Variants in RAB27B observed in about 807,000 individuals in gnomAD.
RAB27B encodes the protein ras-related protein Rab-27B.
Under a neutral mutation model 24.6 loss-of-function variants are expected in RAB27B, and 15 were observed. The ratio of observed to expected loss-of-function variants is 0.61; its 90% CI spans 0.41 to 0.94. The LOEUF (loss-of-function observed/expected upper bound fraction) is 0.94, where lower values mean the gene tolerates loss of function less well. RAB27B is among the 40% of genes least tolerant of loss of function. RAB27B has a pLI of 0.00. For synonymous variants in RAB27B, 105 were observed against 92.5 expected, an observed-to-expected ratio of 1.14 and a Z score of -0.78; for missense variants, 261 against 266.8, an observed-to-expected ratio of 0.98 and a Z score of 0.15.
chr18:54,747,932 AC>A (rs1030105022), intron 2 of RAB27B, among the ~76,000 whole-genome samples: 1 of 151,906 alleles, frequency 6.6e-6, no homozygotes, highest in Non-Finnish European at 1.5e-5. Flanking sequence ...ACATAGTAAA[AC>A]CCCATCTTTG....
At chr18:54,867,306 A>G (rs967462672) in intron 1 of RAB27B, among the ~76,000 whole-genome samples, 2 of 152,150 alleles carry the variant, frequency 1.3e-5, no homozygotes, top group African/African-American at 4.8e-5. Context: ...ACGTGCAGTC[A>G]ACAACTTTGG....
chr18:54,729,003 C>A (rs575130445), intron 2 of RAB27B, among the ~76,000 whole-genome samples: 12 of 125,526 alleles, frequency 9.6e-5, no homozygotes, highest in African/African-American at 3.7e-4. Context: ...TCTGAGTATA[C>A]AACATGGGCT....
rs1913495528 is a variant in RAB27B, at chr18:54,894,564, C to T, written c.*5151C>T. The T allele has an allele frequency of 6.6e-6, 1 of 152,002 alleles. No homozygotes were observed. The highest frequency in any genetic ancestry group is 2.4e-5 in the African/African-American group (1 of 41,406). The allele number at this position is 152,002 out of a possible 1,614,324, so 9.4% of individuals were successfully genotyped here. On this transcript the variant is annotated 3_prime_UTR_variant, in exon 6 of 6. Transcript: ENST00000262094. The stretch of plus-strand genomic sequence containing the variant: ...TTTTCAAATGCTCCTTGTGAAAACA[C>T]CTAGTGTTGTAGAAAGGAAAGTGGC...
intron 2 of RAB27B, among the ~76,000 whole-genome samples, chr18:54,797,822 T>C (rs1452403525): frequency 6.6e-6 from 1 of 152,214 alleles, no homozygotes; most frequent in Non-Finnish European, 1.5e-5. Context: ...ACAGTTTATT[T>C]GCATAATGGT....
intron 2 of RAB27B, among the ~76,000 whole-genome samples, chr18:54,774,589 C>T (rs1908657418): frequency 6.6e-6 from 1 of 152,188 alleles, no homozygotes; most frequent in South Asian, 2.1e-4. Flanking sequence ...ATGTAAGCAA[C>T]TGATGATTGA....
chr18:54,792,670 C>T (rs780433235), intron 2 of RAB27B, among the ~76,000 whole-genome samples: 1 of 152,016 alleles, frequency 6.6e-6, no homozygotes, highest in Admixed American at 6.6e-5. Flanking sequence ...CTTTCATATT[C>T]CAAACAAGAA....
intron 2 of RAB27B, among the ~76,000 whole-genome samples, chr18:54,730,187 C>T (rs1054084395): frequency 6.6e-6 from 1 of 152,154 alleles, no homozygotes; most frequent in African/African-American, 2.4e-5. Context: ...TTTAGTCTGT[C>T]ACGTACATCA....
intron 1 of RAB27B, among the ~76,000 whole-genome samples, chr18:54,854,902 TCA>T (rs1911721685): frequency 1.3e-5 from 2 of 152,216 alleles, no homozygotes; most frequent in African/African-American, 2.4e-5. Context: ...GACTATTTTT[TCA>T]CAGACTGGGA....
intron 1 of RAB27B, among the ~76,000 whole-genome samples, chr18:54,865,024 AG>A (rs1340356145): frequency 1.3e-5 from 2 of 152,172 alleles, no homozygotes; most frequent in Non-Finnish European, 2.9e-5. Flanking sequence ...ATTAGTGTTT[AG>A]TGCTTAGACT....
chr18:54,787,411 A>G (rs1205539678), intron 2 of RAB27B, among the ~76,000 whole-genome samples: 1 of 152,234 alleles, frequency 6.6e-6, no homozygotes, highest in Non-Finnish European at 1.5e-5. Flanking sequence ...CAAAAGGGGA[A>G]GGAGCTCTGA....
chr18:54,758,575 G>T (rs939327629), intron 2 of RAB27B, among the ~76,000 whole-genome samples: 4 of 150,970 alleles, frequency 2.6e-5, no homozygotes, highest in African/African-American at 7.3e-5. Context: ...GCTTTTAAAG[G>T]TTGTGCAGTT....
intron 4 of RAB27B, among the ~76,000 whole-genome samples, chr18:54,885,420 C>T (rs1378300291): frequency 2.0e-5 from 3 of 152,142 alleles, no homozygotes; most frequent in African/African-American, 7.2e-5. Flanking sequence ...GGGCTTCCTC[C>T]GTAATTCCCT....
At chr18:54,871,682 C>A (rs577641973) in intron 1 of RAB27B, among the ~76,000 whole-genome samples, 1 of 151,918 alleles carries the variant, frequency 6.6e-6, no homozygotes, top group African/African-American at 2.4e-5. Context: ...AACCCCGTCT[C>A]TACTAAAAAT....
chr18:54,885,354 C>T (rs943601340), intron 4 of RAB27B, among the ~76,000 whole-genome samples: 1 of 152,086 alleles, frequency 6.6e-6, no homozygotes, highest in Admixed American at 6.6e-5. Flanking sequence ...TTCCATCTTA[C>T]CCGGAATAAA....
chr18:54,821,189 C>T, intron 2 of RAB27B, among the ~76,000 whole-genome samples: 1 of 152,148 alleles, frequency 6.6e-6, no homozygotes, highest in East Asian at 1.9e-4. Context: ...TCCACAAATT[C>T]TCAGGATACA....
At chr18:54,800,619 T>C (rs1909571186) in intron 2 of RAB27B, among the ~76,000 whole-genome samples, 1 of 152,226 alleles carries the variant, frequency 6.6e-6, no homozygotes, top group Non-Finnish European at 1.5e-5. Context: ...TGTCTACACT[T>C]TAATTGGAGT....
At chr18:54,776,104 T>TTTG (rs936598175) in intron 2 of RAB27B, among the ~76,000 whole-genome samples, 3 of 152,374 alleles carry the variant, frequency 2.0e-5, no homozygotes, top group Non-Finnish European at 2.9e-5. Flanking sequence ...GGCGGTGTTT[T>TTTG]TTGTTGTTGT....
chr18:54,760,003 A>C (rs905352835), intron 2 of RAB27B, among the ~76,000 whole-genome samples: 33 of 152,226 alleles, frequency 2.2e-4, no homozygotes, highest in Non-Finnish European at 4.0e-4. Flanking sequence ...AGCTCGGGAT[A>C]CAGAGGACTG....
chr18:54,819,519 A>G (rs1910229123), intron 2 of RAB27B, among the ~76,000 whole-genome samples: 2 of 142,880 alleles, frequency 1.4e-5, no homozygotes, highest in Admixed American at 1.4e-4. Flanking sequence ...GCGACAGAAC[A>G]AGACTCCATC....
Sources: allele counts gnomAD v4.1 joint callset (sites outside exome capture counted in the v4.1 genomes callset), GRCh38; gene constraint gnomAD v4.1.1; transcripts MANE v1.5; gene names NCBI Gene and HGNC (gene_info 2026-07-23, HGNC 2026-07-21).